TMED3: variants seen among roughly 807,000 people sequenced by gnomAD.
TMED3 encodes transmembrane emp24 domain-containing protein 3.
In TMED3, 9 loss-of-function variants were observed where a neutral mutation model predicts 15.0. The ratio of observed to expected loss-of-function variants is 0.60; its 90% CI spans 0.36 to 1.04. The LOEUF is 1.04. Among genes scored for constraint, TMED3 ranks in the 50% least tolerant of loss-of-function variants. The pLI is 0.01. For synonymous variants in TMED3, 117 were observed against 121.4 expected (o/e 0.96, Z 0.24); for missense variants, 267 against 278.9 (o/e 0.96, Z 0.30).
chr15:79,352,830 T>A (rs896303335), intron 2 of TMED3, among the ~76,000 whole-genome samples: 6 of 122,862 alleles, frequency 4.9e-5, no homozygotes, highest in Non-Finnish European at 9.7e-5. Context: ...TTTCAAAATT[T>A]TATATATATA....
chr15:79,324,279 C>T (rs1211715637), downstream of TMED3, among the ~76,000 whole-genome samples: 2 of 152,246 alleles, frequency 1.3e-5, no homozygotes, highest in Non-Finnish European at 2.9e-5. Flanking sequence ...GCGTGAGCCA[C>T]TGCACCCGGC....
chr15:79,378,293 G>A (rs1199173366), intron 2 of TMED3, among the ~76,000 whole-genome samples: 2 of 152,200 alleles, frequency 1.3e-5, no homozygotes, highest in African/African-American at 4.8e-5. Flanking sequence ...AGGGATGGCT[G>A]TTTAAACAAA....
chr15:79,368,376 C>T (rs1893276835), intron 2 of TMED3, among the ~76,000 whole-genome samples: 1 of 152,018 alleles, frequency 6.6e-6, no homozygotes. Flanking sequence ...TGTTAATGCT[C>T]CAGCCAAAGA....
chr15:79,361,383 AAT>A (rs1269285135), intron 2 of TMED3, among the ~76,000 whole-genome samples: 4 of 152,238 alleles, frequency 2.6e-5, no homozygotes, highest in Non-Finnish European at 5.9e-5. Flanking sequence ...TTAAACATTC[AAT>A]ATATACGATG....
At chr15:79,410,920 C>T (rs922581799) in intron 2 of TMED3, among the ~76,000 whole-genome samples, 9 of 152,074 alleles carry the variant, frequency 5.9e-5, no homozygotes, top group East Asian at 3.9e-4. Flanking sequence ...CACATCTATA[C>T]GATAGTGTTT....
At chr15:79,394,894 ACT>A (rs774057060) in intron 2 of TMED3, among the ~76,000 whole-genome samples, 42 of 152,320 alleles carry the variant, frequency 2.8e-4, no homozygotes, top group Non-Finnish European at 5.7e-4. Context: ...AAAGGTAAGT[ACT>A]GTCATGAATT....
At chr15:79,355,077 A>T (rs964514467) in intron 2 of TMED3, among the ~76,000 whole-genome samples, 2 of 152,304 alleles carry the variant, frequency 1.3e-5, no homozygotes, top group African/African-American at 4.8e-5. Flanking sequence ...CCAGTAATAC[A>T]GGAAGTAAGC....
In TMED3 at chr15:79,351,325, T is replaced by C. The variant is rs1336056604; in HGVS notation, c.417+37320T>C. On this transcript the variant is annotated intron_variant, in intron 2 of 2. Transcript: ENST00000424155. Reference sequence around the variant, plus strand: ...TCTACGGCTCTGATATTCTGAGGCTTCTCAAGTTACTTTTGCCCAGATAAG... The same window carrying C: ...TCTACGGCTCTGATATTCTGAGGCTCCTCAAGTTACTTTTGCCCAGATAAG... Among the ~76,000 whole-genome samples, 5 of 152,216 alleles carry C rather than the reference T, an allele frequency of 3.3e-5. No homozygotes were observed. The East Asian group carries it at 9.6e-4, about 29-fold the overall frequency.
chr15:79,332,275 T>C (rs2058812213), intron 2 of TMED3, among the ~76,000 whole-genome samples: 1 of 152,210 alleles, frequency 6.6e-6, no homozygotes, highest in Non-Finnish European at 1.5e-5. Flanking sequence ...AATTAATAAC[T>C]GTATTAATTG....
chr15:79,341,208 A>AAG (rs1463106370), intron 2 of TMED3, among the ~76,000 whole-genome samples: 3 of 110,054 alleles, frequency 2.7e-5, no homozygotes, highest in African/African-American at 1.1e-4. Context: ...AAAAAAAAAA[A>AAG]AAAAAAAAAA....
At chr15:79,404,073 A>T (rs1354930) in intron 2 of TMED3, among the ~76,000 whole-genome samples, 6 of 152,212 alleles carry the variant, frequency 3.9e-5, no homozygotes, top group Non-Finnish European at 8.8e-5. Context: ...ATATTCACAC[A>T]CCTTCTTTGT....
chr15:79,373,314 C>A (rs1311393371), intron 2 of TMED3, among the ~76,000 whole-genome samples: 1 of 152,206 alleles, frequency 6.6e-6, no homozygotes, highest in African/African-American at 2.4e-5. Flanking sequence ...TCCATCAAGG[C>A]ATCTTAAATC....
downstream of TMED3, among the ~76,000 whole-genome samples, chr15:79,326,106 A>G (rs1436878538): frequency 6.6e-6 from 1 of 152,202 alleles, no homozygotes; most frequent in Non-Finnish European, 1.5e-5. Context: ...GTTTTATTTT[A>G]TGTACTAATC....
intron 2 of TMED3, among the ~76,000 whole-genome samples, chr15:79,364,837 G>T (rs1893199063): frequency 6.6e-6 from 1 of 151,934 alleles, no homozygotes; most frequent in South Asian, 2.1e-4. Flanking sequence ...CCACCACCCA[G>T]TAAAACCCCA....
intron 2 of TMED3, among the ~76,000 whole-genome samples, chr15:79,338,991 C>T (rs912661666): frequency 6.6e-6 from 1 of 152,184 alleles, no homozygotes; most frequent in Admixed American, 6.5e-5. Flanking sequence ...TCAGGCTCAC[C>T]CGCAGTTATC....
rs1893511595 is a variant in TMED3 at position 79,380,566 on chromosome 15, TAC to T, written c.418-30832_418-30831del. On this transcript the variant is annotated intron_variant, in intron 2 of 2. Transcript: ENST00000424155. ...ATATATATAGTTGTATATATGTAGT[TAC>T]ATATATATAGTTTTATATATATATA... Among the ~76,000 whole-genome samples the T allele has an allele frequency of 2.8e-5, 4 of 141,388 alleles. No individual in the cohort carries two copies. The Admixed American group carries it at 2.9e-4, about 10-fold the overall frequency. The allele number at this position is 141,388 out of a possible 152,430, so 92.8% of individuals were successfully genotyped here.
At position 79,380,596 on chromosome 15, in the gene TMED3, T is replaced by TAG. The variant is rs1325827135; in HGVS notation, c.418-30803_418-30802insGA. On this transcript the variant is annotated intron_variant, in intron 2 of 2. Transcript: ENST00000424155. Reference sequence around the variant, plus strand: ...ATATATAGTTTTATATATATATATATATATAGAGAGAGAGAGGGTATATTT... The same window carrying TAG: ...ATATATAGTTTTATATATATATATATAGATATAGAGAGAGAGAGGGTATATTT... Among the ~76,000 whole-genome samples, 429 of 145,018 alleles carry TAG rather than the reference T, an allele frequency of 3.0e-3. 5 individuals carry two copies. The highest frequency in any genetic ancestry group is 4.0e-3 in the Admixed American group (58 of 14,460).
intron 2 of TMED3, among the ~76,000 whole-genome samples, chr15:79,333,789 A>G (rs2058818075): frequency 6.6e-6 from 1 of 152,190 alleles, no homozygotes; most frequent in African/African-American, 2.4e-5. Context: ...TACTGTGAGA[A>G]TTAGAATTAG....
intron 2 of TMED3, among the ~76,000 whole-genome samples, chr15:79,343,211 A>G (rs768282093): frequency 1.2e-4 from 19 of 152,174 alleles, no homozygotes; most frequent in Admixed American, 6.5e-4. Flanking sequence ...GGGACGGTGC[A>G]TACAACCTCC....
Sources: gnomAD v4.1 joint callset for allele counts (sites outside exome capture counted in the v4.1 genomes callset) on GRCh38, gnomAD v4.1.1 for gene constraint, MANE v1.5 for transcripts, NCBI Gene and HGNC (gene_info 2026-07-23, HGNC 2026-07-21) for gene names.